Variants in CLSTN2 observed in about 807,000 individuals in gnomAD.
CLSTN2 encodes the protein calsyntenin 2, also known as calsyntenin-2.
Under a neutral mutation model 101.2 loss-of-function variants are expected in CLSTN2, and 48 were observed. The observed-to-expected ratio is 0.47, with a 90% CI of 0.38 to 0.60. The LOEUF is 0.60. Among genes scored for constraint, CLSTN2 ranks in the 20% least tolerant of loss-of-function variants. The pLI is 0.00. For missense variants in CLSTN2, 1,160 were observed against 1,238.2 expected (o/e 0.94, Z 0.95); for synonymous variants, 481 against 463.6 (o/e 1.04, Z -0.48).
At chr3:139,984,067 A>G (rs553870387) in intron 1 of CLSTN2, among the ~76,000 whole-genome samples, 1 of 152,298 alleles carries the variant, frequency 6.6e-6, no homozygotes, top group African/African-American at 2.4e-5. Context: ...TGCCTCTTTA[A>G]TCAGCTAAGC....
At chr3:140,222,851 G>T (rs2086286047) in intron 2 of CLSTN2, among the ~76,000 whole-genome samples, 1 of 122,876 alleles carries the variant, frequency 8.1e-6, no homozygotes, top group East Asian at 2.4e-4. Flanking sequence ...CACACCCATA[G>T]AAATTGAAAA....
chr3:140,148,003 G>T (rs2009808164), intron 1 of CLSTN2, among the ~76,000 whole-genome samples: 1 of 152,164 alleles, frequency 6.6e-6, no homozygotes, highest in African/African-American at 2.4e-5. Flanking sequence ...GCTCATTTTT[G>T]ATAGTCTGCG....
chr3:140,491,076 A>G (rs910088593), intron 8 of CLSTN2, among the ~76,000 whole-genome samples: 1 of 152,226 alleles, frequency 6.6e-6, no homozygotes, highest in Admixed American at 6.5e-5. Flanking sequence ...TCTGTGGAGT[A>G]AAACACAAAT....
At chr3:140,386,997 T>G (rs2088059970) in intron 2 of CLSTN2, among the ~76,000 whole-genome samples, 1 of 152,180 alleles carries the variant, frequency 6.6e-6, no homozygotes, top group African/African-American at 2.4e-5. Flanking sequence ...CTCCTAAACT[T>G]ACTAAAATTT....
intron 8 of CLSTN2, among the ~76,000 whole-genome samples, chr3:140,528,140 GTCC>G (rs1935180537): frequency 6.6e-6 from 1 of 151,950 alleles, no homozygotes. Context: ...GACAGAATTG[GTCC>G]TCCTATTTTA....
intron 1 of CLSTN2, among the ~76,000 whole-genome samples, chr3:140,109,908 C>T (rs924162990): frequency 6.6e-6 from 1 of 152,136 alleles, no homozygotes; most frequent in Non-Finnish European, 1.5e-5. Flanking sequence ...TTTTCCCCAT[C>T]ATCAGTGAAA....
chr3:140,420,688 A>G (rs1356035097), intron 4 of CLSTN2, among the ~76,000 whole-genome samples: 1 of 152,226 alleles, frequency 6.6e-6, no homozygotes, highest in Non-Finnish European at 1.5e-5. Flanking sequence ...ATTCCTGGCG[A>G]CAAGCCCAGA....
At chr3:140,157,736 G>A (rs1035517398) in intron 1 of CLSTN2, among the ~76,000 whole-genome samples, 3 of 152,118 alleles carry the variant, frequency 2.0e-5, no homozygotes, top group Non-Finnish European at 4.4e-5. Context: ...GTTTCATTCA[G>A]TTCTGCTCTA....
chr3:140,007,111 G>A lies in CLSTN2; in HGVS notation c.109+71628G>A, dbSNP rs2006974382. 2.0e-5 allele frequency among the ~76,000 whole-genome samples: 3 copies of A among 152,074 alleles called. No individual in the cohort carries two copies. In the South Asian group the frequency reaches 6.2e-4, roughly 32 times the overall value. On this transcript the variant is annotated intron_variant, in intron 1 of 16. Coordinates refer to ENST00000458420, the MANE Select transcript of CLSTN2 (RefSeq NM_022131.3). ...CATTCATGCCTATTTCTGACCCACC[G>A]AGAAGTTCCTTTTCCCTCTGTCACT...
At chr3:140,286,309 T>C (rs2086895355) in intron 2 of CLSTN2, among the ~76,000 whole-genome samples, 1 of 151,750 alleles carries the variant, frequency 6.6e-6, no homozygotes. Flanking sequence ...TTCAAGGAGA[T>C]CTGGGGAAAC....
intron 8 of CLSTN2, among the ~76,000 whole-genome samples, chr3:140,472,196 T>A (rs563045300): frequency 1.3e-5 from 2 of 152,280 alleles, no homozygotes; most frequent in African/African-American, 4.8e-5. Flanking sequence ...CTCCTTCTCA[T>A]ATAAATGAGC....
chr3:140,047,933 G>A (rs1187076717), intron 1 of CLSTN2, among the ~76,000 whole-genome samples: 2 of 152,166 alleles, frequency 1.3e-5, no homozygotes, highest in Admixed American at 1.3e-4. Flanking sequence ...TCAAACCATA[G>A]CAATACGTTA....
At chr3:140,376,916 C>A (rs888218264) in intron 2 of CLSTN2, among the ~76,000 whole-genome samples, 11 of 152,104 alleles carry the variant, frequency 7.2e-5, no homozygotes, top group African/African-American at 2.7e-4. Flanking sequence ...AAGGAACATA[C>A]TTTTGCTATA....
intron 1 of CLSTN2, among the ~76,000 whole-genome samples, chr3:140,172,400 G>T (rs908861089): frequency 2.0e-5 from 3 of 152,136 alleles, no homozygotes; most frequent in Admixed American, 1.3e-4. Flanking sequence ...ATAGGAGTGG[G>T]TTGGGCTAGA....
intron 1 of CLSTN2, among the ~76,000 whole-genome samples, chr3:140,082,099 C>T (rs955153344): frequency 6.6e-6 from 1 of 152,178 alleles, no homozygotes; most frequent in Non-Finnish European, 1.5e-5. Flanking sequence ...AGGACTGCTT[C>T]TGACTCACAG....
chr3:139,954,195 C>G (rs1935347323), intron 1 of CLSTN2, among the ~76,000 whole-genome samples: 1 of 152,184 alleles, frequency 6.6e-6, no homozygotes. Flanking sequence ...GTACTTGACA[C>G]TCTTCTGCAT....
chr3:140,286,259 T>A (rs764987420), intron 2 of CLSTN2, among the ~76,000 whole-genome samples: 17 of 152,180 alleles, frequency 1.1e-4, no homozygotes, highest in Non-Finnish European at 2.1e-4. Context: ...CTTTTATTCA[T>A]ACCTGGCTGT....
intron 2 of CLSTN2, among the ~76,000 whole-genome samples, chr3:140,226,844 C>CA (rs367754600): frequency 2.8e-4 from 43 of 150,956 alleles, no homozygotes; most frequent in African/African-American, 6.8e-4. Flanking sequence ...AGAGTTTGTG[C>CA]AAAAAAAAAC....
At chr3:140,068,872 G>T (rs941439680) in intron 1 of CLSTN2, among the ~76,000 whole-genome samples, 2 of 152,160 alleles carry the variant, frequency 1.3e-5, no homozygotes, top group Non-Finnish European at 2.9e-5. Flanking sequence ...TAAGAGCCTA[G>T]GTTCTAACAT....
Sources: allele counts gnomAD v4.1 joint callset (sites outside exome capture counted in the v4.1 genomes callset), GRCh38; gene constraint gnomAD v4.1.1; transcripts MANE v1.5; gene names NCBI Gene and HGNC (gene_info 2026-07-23, HGNC 2026-07-21).